Variants in LRMDA observed in about 807,000 individuals in gnomAD.
The protein encoded by LRMDA is leucine-rich melanocyte differentiation-associated protein.
In LRMDA, 18 loss-of-function variants were observed where a neutral mutation model predicts 29.8. The ratio of observed to expected loss-of-function variants is 0.60; its 90% CI spans 0.42 to 0.90. The LOEUF (loss-of-function observed/expected upper bound fraction) is 0.90. LRMDA is among the 40% of genes least tolerant of loss of function. The probability of loss-of-function intolerance (pLI) is 0.00; values close to 1 mark genes in which losing one functional copy is unlikely to be tolerated. For synonymous variants in LRMDA, 125 were observed against 109.4 expected (o/e 1.14, Z -0.89); for missense variants, 273 against 273.9 (o/e 1.00, Z 0.02).
chr10:75,987,458 G>C (rs1589278029), intron 2 of LRMDA, among the ~76,000 whole-genome samples: 1 of 152,218 alleles, frequency 6.6e-6, no homozygotes, highest in Non-Finnish European at 1.5e-5. Flanking sequence ...CCAGACATAA[G>C]TATCCCTATA....
intron 5 of LRMDA, among the ~76,000 whole-genome samples, chr10:76,303,093 C>T (rs910204557): frequency 7.2e-5 from 11 of 152,118 alleles, no homozygotes; most frequent in African/African-American, 2.7e-4. Context: ...TAAGTAGCTG[C>T]AAGCCCCTTG....
At chr10:76,299,450 G>A (rs1840452471) in intron 5 of LRMDA, among the ~76,000 whole-genome samples, 1 of 152,080 alleles carries the variant, frequency 6.6e-6, no homozygotes, top group Non-Finnish European at 1.5e-5. Flanking sequence ...CTTCTCAAAA[G>A]GTTTTACCTG....
chr10:75,528,001 G>A, intron 2 of LRMDA, among the ~76,000 whole-genome samples: 1 of 151,910 alleles, frequency 6.6e-6, no homozygotes, highest in Non-Finnish European at 1.5e-5. Context: ...GCCCAGGCTG[G>A]TCTTGAACTC....
chr10:76,373,401 TA>T (rs566897926), intron 6 of LRMDA, among the ~76,000 whole-genome samples: 2 of 152,114 alleles, frequency 1.3e-5, no homozygotes, highest in African/African-American at 2.4e-5. Flanking sequence ...ATTATAATAA[TA>T]TTTATATGTA....
chr10:75,530,388 T>C (rs1845462992), intron 2 of LRMDA, among the ~76,000 whole-genome samples: 1 of 152,292 alleles, frequency 6.6e-6, no homozygotes, highest in Non-Finnish European at 1.5e-5. Context: ...ATCACAGAAT[T>C]GCAGGAATTC....
At chr10:75,832,651 C>G (rs1218601092) in intron 2 of LRMDA, among the ~76,000 whole-genome samples, 2 of 152,202 alleles carry the variant, frequency 1.3e-5, no homozygotes, top group African/African-American at 4.8e-5. Flanking sequence ...CTGATAAAGA[C>G]ATACCTGAGA....
intron 6 of LRMDA, among the ~76,000 whole-genome samples, chr10:76,445,851 TATA>T (rs1271585817): frequency 1.3e-5 from 2 of 152,194 alleles, no homozygotes; most frequent in Non-Finnish European, 2.9e-5. Context: ...TGGAGAAAAA[TATA>T]ATGTTACTCA....
intron 2 of LRMDA, among the ~76,000 whole-genome samples, chr10:75,757,230 C>G (rs1192805497): frequency 1.3e-5 from 2 of 152,206 alleles, no homozygotes; most frequent in Non-Finnish European, 2.9e-5. Flanking sequence ...TCCCAACCTC[C>G]CTTCCCCATT....
chr10:75,470,466 C>A (rs551854546), intron 2 of LRMDA, among the ~76,000 whole-genome samples: 198 of 152,324 alleles, frequency 1.3e-3, no homozygotes, highest in Non-Finnish European at 2.1e-3. Context: ...CACTGCACTC[C>A]AGCCTGGGAG....
At chr10:75,680,092 C>T (rs1227398220) in intron 2 of LRMDA, among the ~76,000 whole-genome samples, 2 of 152,250 alleles carry the variant, frequency 1.3e-5, no homozygotes, top group Non-Finnish European at 2.9e-5. Context: ...TGCAAGGTGA[C>T]TATAAACAGT....
At chr10:76,476,863 A>C (rs1414560407) in intron 6 of LRMDA, among the ~76,000 whole-genome samples, 3 of 152,190 alleles carry the variant, frequency 2.0e-5, no homozygotes, top group African/African-American at 4.8e-5. Context: ...CTTCATGCTA[A>C]AAACTCTCAA....
intron 6 of LRMDA, among the ~76,000 whole-genome samples, chr10:76,455,603 C>T (rs903829864): frequency 6.6e-6 from 1 of 152,152 alleles, no homozygotes; most frequent in African/African-American, 2.4e-5. Context: ...GTCTGTTCTC[C>T]TTGTGGTCAC....
rs191957179 is a variant in LRMDA at position 75,787,946 on chromosome 10, G to A, written c.132-248062G>A. Among the ~76,000 whole-genome samples the A allele has an allele frequency of 3.0e-3, 452 of 152,078 alleles. 7 individuals are homozygous for A. The highest frequency in any genetic ancestry group is 3.1e-3 in the Non-Finnish European group (211 of 67,970). ...TGGGAGGCTGAGGCAGGAGAATGGC[G>A]TGAACCCAGGAGGAGGAGCTTGCAG... On this transcript the variant is annotated intron_variant, in intron 2 of 6. Transcript: ENST00000611255.
chr10:76,126,761 G>C (rs11816199), intron 5 of LRMDA, among the ~76,000 whole-genome samples: 4,738 of 152,294 alleles, frequency 0.031, 229 homozygotes, highest in African/African-American at 0.11. Flanking sequence ...CCATTTAGCT[G>C]TGGGCAGAAT....
chr10:76,532,169 C>T (rs1476823400), intron 6 of LRMDA, among the ~76,000 whole-genome samples: 2 of 152,104 alleles, frequency 1.3e-5, no homozygotes, highest in Non-Finnish European at 2.9e-5. Context: ...AATGCTATCC[C>T]TCCCCTACTC....
intron 2 of LRMDA, among the ~76,000 whole-genome samples, chr10:75,439,822 A>G (rs1844307268): frequency 6.6e-6 from 1 of 152,120 alleles, no homozygotes; most frequent in African/African-American, 2.4e-5. Flanking sequence ...TTGTTCCAGT[A>G]CCTAAGGAGA....
chr10:76,158,435 T>C (rs1011975997), intron 5 of LRMDA, among the ~76,000 whole-genome samples: 3 of 152,264 alleles, frequency 2.0e-5, no homozygotes, highest in Middle Eastern at 3.4e-3. Flanking sequence ...TAGGCACTTA[T>C]TCTACTTCTC....
At chr10:76,233,803 A>C (rs1852102204) in intron 5 of LRMDA, among the ~76,000 whole-genome samples, 1 of 152,214 alleles carries the variant, frequency 6.6e-6, no homozygotes, top group Admixed American at 6.5e-5. Flanking sequence ...GCAGCAATTC[A>C]GTCCTATCTT....
At chr10:76,044,041 C>T (rs1848386274) in intron 3 of LRMDA, among the ~76,000 whole-genome samples, 1 of 152,132 alleles carries the variant, frequency 6.6e-6, no homozygotes, top group Non-Finnish European at 1.5e-5. Flanking sequence ...TCTGGTAGCC[C>T]ACTTTCTTGC....
Sources: allele counts gnomAD v4.1 joint callset (sites outside exome capture counted in the v4.1 genomes callset), GRCh38; gene constraint gnomAD v4.1.1; transcripts MANE v1.5; gene names NCBI Gene and HGNC (gene_info 2026-07-23, HGNC 2026-07-21).